The following EPB41L1 variants were observed in gnomAD, a reference collection of about 807,000 sequenced individuals.
EPB41L1 encodes band 4.1-like protein 1.
Under a neutral mutation model 97.8 loss-of-function variants are expected in EPB41L1, and 29 were observed. That is an observed-to-expected ratio of 0.30 (90% CI 0.22 to 0.40). The LOEUF is 0.40. Ranked by LOEUF, EPB41L1 falls within the 10% of genes least tolerant of loss-of-function variation. EPB41L1 has a pLI of 1.00. For missense variants in EPB41L1, 812 were observed against 1,162.3 expected (o/e 0.70, Z 4.38); for synonymous variants, 383 against 459.2 (o/e 0.83, Z 2.12).
chr20:36,220,247 A>T (rs528284804), intron 19 of EPB41L1, among the ~76,000 whole-genome samples: 1 of 152,260 alleles, frequency 6.6e-6, no homozygotes, highest in Non-Finnish European at 1.5e-5. Context: ...GAGAAGACAG[A>T]TGCGGGTGTT....
chr20:36,207,726 C>A lies in EPB41L1; in HGVS notation c.1669-1762C>A. 1 of 1,289,986 alleles carries A rather than the reference C, an allele frequency of 7.8e-7. No individual in the cohort carries two copies. Among genetic ancestry groups the A allele is most frequent in the South Asian group, 1.2e-5 (1 of 81,034 alleles). 79.9% of individuals were successfully genotyped at this position (1,289,986 alleles called of 1,614,324 possible). On this transcript the variant is annotated intron_variant, in intron 14 of 21. Coordinates refer to ENST00000338074, the MANE Select transcript of EPB41L1 (RefSeq NM_012156.2). This position sits in a 1 kb window ranked among gnomAD's most constrained non-coding sequence, Gnocchi z 4.9. ...AGGAAGCACACACGGAACTAGAGCC[C>A]GTGTCCCCCAATTCAGGCTGTGAAA... is the stretch of plus-strand genomic sequence containing the variant.
intron 1 of EPB41L1, among the ~76,000 whole-genome samples, chr20:36,166,674 C>T (rs943444001): frequency 6.6e-6 from 1 of 152,066 alleles, no homozygotes; most frequent in Non-Finnish European, 1.5e-5. Context: ...ATTGGCTGAG[C>T]CCAAGAATTC....
rs112178873 is a variant in EPB41L1, at chr20:36,108,947, C to CT, written c.-64-3465dup. ...AGCCTTGAGGATGAGTTCAGGGCTT[C>CT]TTTTTTTTTTTTTTGAGATGGAGTC... On this transcript the variant is annotated intron_variant, in intron 1 of 19. Transcript: ENST00000202028. Among the ~76,000 whole-genome samples the CT allele has an allele frequency of 4.9e-3, 703 of 142,766 alleles. 2 individuals carry two copies. Among genetic ancestry groups the CT allele is most frequent in the African/African-American group, 0.013 (507 of 39,212 alleles). 93.7% of individuals were successfully genotyped at this position (142,766 alleles called of 152,430 possible). A position where few individuals can be genotyped will look rare whatever the true frequency, so the allele number is the denominator to read the frequency against.
chr20:36,096,075 C>T (rs2057822167), intron 1 of EPB41L1, among the ~76,000 whole-genome samples: 1 of 151,990 alleles, frequency 6.6e-6, no homozygotes, highest in Non-Finnish European at 1.5e-5. Context: ...CACGCCAGAC[C>T]TAGGAATTGA....
intron 2 of EPB41L1, chr20:36,122,718 A>C (rs1365335119): frequency 6.6e-6 from 1 of 152,240 alleles, no homozygotes; most frequent in Non-Finnish European, 1.5e-5. Context: ...AGCCACGCAG[A>C]CTTCTAGTCC....
chr20:36,111,723 G>C (rs1490932203), intron 1 of EPB41L1, among the ~76,000 whole-genome samples: 1 of 148,076 alleles, frequency 6.8e-6, no homozygotes, highest in Non-Finnish European at 1.5e-5. Context: ...GGATGCGGAG[G>C]TTGCAGTGAG....
chr20:36,205,219 T>A (rs756660819), intron 14 of EPB41L1, among the ~76,000 whole-genome samples: 28 of 152,206 alleles, frequency 1.8e-4, no homozygotes, highest in Non-Finnish European at 1.5e-5. Flanking sequence ...CCTGTGGAAC[T>A]TAATGCATCC....
intron 14 of EPB41L1, among the ~76,000 whole-genome samples, chr20:36,202,840 C>G (rs1159439733): frequency 6.6e-6 from 1 of 151,046 alleles, no homozygotes; most frequent in African/African-American, 2.4e-5. Flanking sequence ...AGGCAGGCCC[C>G]AAAATGTGAC....
At chr20:36,141,152 T>C (rs921888693) in intron 2 of EPB41L1, among the ~76,000 whole-genome samples, 1 of 152,172 alleles carries the variant, frequency 6.6e-6, no homozygotes, top group African/African-American at 2.4e-5. Context: ...CCTCCTTATC[T>C]GTCAATATCA....
chr20:36,097,323 G>A (rs985457510), intron 1 of EPB41L1, among the ~76,000 whole-genome samples: 1 of 152,154 alleles, frequency 6.6e-6, no homozygotes, highest in Non-Finnish European at 1.5e-5. Context: ...GGGGACTAGG[G>A]CAAGTGATTC....
Position 36,190,499 on chromosome 20 carries a change from C to A in EPB41L1, c.1125-123C>A. ...CACCCTTTCCCCAAGTCCCTCCCTT[C>A]CTGGACCACTTTGAATTGTTGTAGT... On this transcript the variant is annotated intron_variant, in intron 10 of 21. Coordinates refer to ENST00000338074, the MANE Select transcript of EPB41L1 (RefSeq NM_012156.2). The surrounding 1 kb of genome is among the most constrained non-coding windows in gnomAD (Gnocchi z 5.8). 6.5e-7 allele frequency: 1 copy of A among 1,537,490 alleles called. No individual in the cohort carries two copies. The highest frequency in any genetic ancestry group is 8.9e-7 in the Non-Finnish European group (1 of 1,121,310).
chr20:36,221,010 C>T (rs2147077874), intron 19 of EPB41L1, among the ~76,000 whole-genome samples: 2 of 152,328 alleles, frequency 1.3e-5, no homozygotes, highest in Middle Eastern at 3.4e-3. Flanking sequence ...CCACTCTCAG[C>T]AAAAGCATTA....
Position 36,128,222 on chromosome 20 carries a change from G to T in EPB41L1, c.-10+15742G>T, listed in dbSNP as rs371297098. 2.0e-4 allele frequency among the ~76,000 whole-genome samples: 30 copies of T among 152,278 alleles called. 1 individual carries two copies. The South Asian group carries it at 5.6e-3, about 28-fold the overall frequency. On this transcript the variant is annotated intron_variant, in intron 2 of 19. Transcript: ENST00000202028. Reference sequence around the variant, plus strand: ...ATAATAATGCCACCTCACAGGGCTTGTTGCCAAGATGACATGTCTGCCATA... The same window carrying T: ...ATAATAATGCCACCTCACAGGGCTTTTTGCCAAGATGACATGTCTGCCATA...
intron 21 of EPB41L1, among the ~76,000 whole-genome samples, chr20:36,227,853 G>A (rs1009808178): frequency 7.9e-5 from 12 of 152,202 alleles, no homozygotes; most frequent in African/African-American, 2.7e-4. Context: ...CAGGTCAGAC[G>A]TCTGGTTTCT....
intron 1 of EPB41L1, among the ~76,000 whole-genome samples, chr20:36,172,681 A>G (rs1384812309): frequency 2.0e-5 from 3 of 151,214 alleles, no homozygotes; most frequent in Non-Finnish European, 4.4e-5. Context: ...GCTTACTGCA[A>G]CCTCCGCCTC....
chr20:36,118,881 A>T (rs1354799507), intron 2 of EPB41L1, among the ~76,000 whole-genome samples: 1 of 152,242 alleles, frequency 6.6e-6, no homozygotes, highest in Admixed American at 6.5e-5. Flanking sequence ...AAGAATAATG[A>T]TCCCCATTTA....
intron 1 of EPB41L1, among the ~76,000 whole-genome samples, chr20:36,167,269 G>C (rs2145766828): frequency 6.6e-6 from 1 of 152,320 alleles, no homozygotes; most frequent in African/African-American, 2.4e-5. Flanking sequence ...GGCTCATGGT[G>C]ATGGTGGCGG....
intron 2 of EPB41L1, among the ~76,000 whole-genome samples, chr20:36,125,818 C>T (rs2058941743): frequency 6.6e-6 from 1 of 152,066 alleles, no homozygotes; most frequent in Admixed American, 6.6e-5. Flanking sequence ...AGGCTGGAGA[C>T]CAGGAGACGG....
intron 1 of EPB41L1, among the ~76,000 whole-genome samples, chr20:36,168,139 C>T (rs1902416588): frequency 6.6e-6 from 1 of 152,160 alleles, no homozygotes; most frequent in Non-Finnish European, 1.5e-5. Flanking sequence ...CTGAGTGCCC[C>T]TGGAAGGTGA....
Sources: allele counts gnomAD v4.1 joint callset (sites outside exome capture counted in the v4.1 genomes callset), GRCh38; gene constraint gnomAD v4.1.1; non-coding constraint Gnocchi (gnomAD v3.1); transcripts MANE v1.5; gene names NCBI Gene and HGNC (gene_info 2026-07-23, HGNC 2026-07-21).